The following BRCA1 variants were observed in gnomAD, a reference collection of about 807,000 sequenced individuals.
BRCA1 encodes the protein BRCA1 DNA repair associated.
A neutral mutation model predicts 173.7 loss-of-function variants in BRCA1; 140 were observed. That is an observed-to-expected ratio of 0.81 (90% CI 0.70 to 0.93). BRCA1 has a LOEUF of 0.93. BRCA1 is among the 40% of genes least tolerant of loss of function. The probability of loss-of-function intolerance (pLI) is 0.00; values close to 1 mark genes in which losing one functional copy is unlikely to be tolerated. For synonymous variants in BRCA1, 662 were observed against 756.0 expected (o/e 0.88, Z 2.04); for missense variants, 1,983 against 2,172.5 (o/e 0.91, Z 1.73).
chr17:43,069,708 A>T (rs2052301346), intron 15 of BRCA1, among the ~76,000 whole-genome samples: 1 of 152,168 alleles, frequency 6.6e-6, no homozygotes, highest in Non-Finnish European at 1.5e-5. Flanking sequence ...GCCACAGCTT[A>T]CTTTGCCCTT....
rs1567768534 is a variant in BRCA1, at chr17:43,063,322, C to A, written c.5193+11G>T. ...AATATCTCTGGTTAGTTTGTAACAT[C>A]AAGTACTTACCTCATTCAGCATTTT... is the stretch of plus-strand genomic sequence containing the variant. On this transcript the variant is annotated intron_variant, in intron 18 of 22. Transcript: ENST00000357654. 1 of 1,600,802 alleles carries A rather than the reference C, an allele frequency of 6.2e-7. No homozygotes were observed. Among genetic ancestry groups the A allele is most frequent in the Non-Finnish European group, 8.6e-7 (1 of 1,168,012 alleles).
At chr17:43,149,735 CT>C (rs1248514063) in intron 1 of BRCA1, among the ~76,000 whole-genome samples, 1 of 152,168 alleles carries the variant, frequency 6.6e-6, no homozygotes, top group Non-Finnish European at 1.5e-5. Flanking sequence ...TGCACCAAAA[CT>C]TACAAACCTC....
Position 43,082,434 on chromosome 17 carries a change from G to A in BRCA1, c.4327C>T (p.Arg1443Ter), listed in dbSNP as rs41293455. The A allele has an allele frequency of 1.2e-5, 20 of 1,613,954 alleles. No individual in the cohort carries two copies. Among genetic ancestry groups the A allele is most frequent in the Admixed American group, 5.0e-5 (3 of 59,986 alleles). The change falls in exon 12 of 23, where the codon CGA becomes TGA. Residue 1443 changes from arginine to a stop codon, truncating the protein, a stop_gained. Coordinates refer to ENST00000357654, the MANE Select transcript of BRCA1 (RefSeq NM_007294.4). LOFTEE classifies it high-confidence loss of function. ...ISDSSALEDL[R>*]NPEQSTSEKA... ...TCTGATGTGCTTTGTTCTGGATTTC[G>A]CAGGTCCTCAAGGGCAGAAGAGTCA...
At chr17:43,113,534 T>C (rs953723384) in intron 3 of BRCA1, among the ~76,000 whole-genome samples, 6 of 152,094 alleles carry the variant, frequency 3.9e-5, no homozygotes, top group Non-Finnish European at 8.8e-5. Flanking sequence ...GCCAGGCTAG[T>C]TTTTTGTGTG....
At chr17:43,138,339 A>C (rs1236923127) in intron 1 of BRCA1, 1 of 427,010 alleles carries the variant, frequency 2.3e-6, no homozygotes, top group African/African-American at 2.0e-5. Context: ...TTCCAGTGAA[A>C]ACATTCCAGA....
chr17:43,169,041 G>C (rs182022742), intron 1 of BRCA1, among the ~76,000 whole-genome samples: 3 of 152,048 alleles, frequency 2.0e-5, no homozygotes, highest in Non-Finnish European at 4.4e-5. Context: ...TCCCTCTTGC[G>C]CTTTCTCAAT....
At chr17:43,079,156 A>C (rs1221172840) in intron 12 of BRCA1, 1 of 655,428 alleles carries the variant, frequency 1.5e-6, no homozygotes, top group Non-Finnish European at 2.7e-6. Flanking sequence ...CCTGGGCAAC[A>C]AAAGTGAAAC....
intron 3 of BRCA1, among the ~76,000 whole-genome samples, chr17:43,110,198 ATCTT>A (rs1384996101): frequency 6.6e-6 from 1 of 152,116 alleles, no homozygotes; most frequent in Non-Finnish European, 1.5e-5. Context: ...CCGGCCTCGA[ATCTT>A]TCTTTATGCT....
At chr17:43,075,073 A>AAGAG (rs2052651813) in intron 13 of BRCA1, among the ~76,000 whole-genome samples, 1 of 151,498 alleles carries the variant, frequency 6.6e-6, no homozygotes, top group Non-Finnish European at 1.5e-5. Flanking sequence ...GGACGGAAGG[A>AAGAG]AGGAAGGAAG....
chr17:43,064,604 A>G (rs1375774819), intron 16 of BRCA1, among the ~76,000 whole-genome samples: 1 of 152,190 alleles, frequency 6.6e-6, no homozygotes, highest in Non-Finnish European at 1.5e-5. Flanking sequence ...GGAGAAATGT[A>G]TTTAACTAAA....
At chr17:43,145,535 C>T (rs1263516615) in intron 1 of BRCA1, among the ~76,000 whole-genome samples, 1 of 152,038 alleles carries the variant, frequency 6.6e-6, no homozygotes, top group Non-Finnish European at 1.5e-5. Flanking sequence ...ACCGCATTAG[C>T]CAGGATGGTC....
At chr17:43,135,951 T>G (rs2056018460) in intron 1 of BRCA1, among the ~76,000 whole-genome samples, 1 of 152,204 alleles carries the variant, frequency 6.6e-6, no homozygotes, top group African/African-American at 2.4e-5. Context: ...AGGGCACCTC[T>G]GCTTCCTCCC....
intron 6 of BRCA1, among the ~76,000 whole-genome samples, chr17:43,100,512 G>A (rs2054337589): frequency 1.2e-5 from 1 of 84,264 alleles, no homozygotes; most frequent in African/African-American, 3.8e-5. Context: ...TGGCTAATTT[G>A]TGTGTGTGTG....
chr17:43,143,056 ATATATATATG>A (rs1019488761), intron 1 of BRCA1, among the ~76,000 whole-genome samples: 95 of 148,676 alleles, frequency 6.4e-4, no homozygotes, highest in Non-Finnish European at 1.1e-3. Flanking sequence ...ATATATGTGT[ATATATATATG>A]TATATATATG....
In BRCA1 at chr17:43,092,911, T is replaced by G. The variant is rs1064795862; in HGVS notation, c.2620A>C (p.Asn874His). The change falls in exon 10 of 23, where the codon AAT becomes CAT. Residue 874 changes from asparagine to histidine, a missense_variant. Asn to His is a moderately conservative substitution (Grantham distance 68). Transcript: ENST00000357654. Reference protein sequence around the residue: ...SKRQSFAPFSNPGNAEEECAT... With the variant: ...SKRQSFAPFSHPGNAEEECAT... Reference sequence around the variant, plus strand: ...CATTCCTCTTCTGCATTTCCTGGATTTGAAAACGGAGCAAATGACTGGCGC... The same window carrying G: ...CATTCCTCTTCTGCATTTCCTGGATGTGAAAACGGAGCAAATGACTGGCGC... The G allele has an allele frequency of 1.9e-6, 3 of 1,613,924 alleles. No individual in the cohort carries two copies. Among genetic ancestry groups the G allele is most frequent in the Non-Finnish European group, 2.5e-6 (3 of 1,179,992 alleles).
chr17:43,110,678 CAA>C lies in BRCA1; in HGVS notation c.135-4147_135-4146del, dbSNP rs1473825447. ...TTTGAACAATGTGGTTCTAGATCTT[CAA>C]AAAAGTATTACAGGCTGGGTGCGGT... On this transcript the variant is annotated intron_variant, in intron 3 of 22. Transcript: ENST00000357654. 3 of 296,104 alleles carry C rather than the reference CAA, an allele frequency of 1.0e-5. No homozygotes were observed. The East Asian group carries it at 2.7e-4, about 27-fold the overall frequency. The allele number at this position is 296,104 out of a possible 1,614,324, so 18.3% of individuals were successfully genotyped here.
chr17:43,103,278 C>T (rs557800624), intron 6 of BRCA1, among the ~76,000 whole-genome samples: 1 of 151,802 alleles, frequency 6.6e-6, no homozygotes, highest in Non-Finnish European at 1.5e-5. Context: ...ACCAGCCTGA[C>T]CAATATGGTG....
chr17:43,073,406 A>G (rs998919283), intron 14 of BRCA1, among the ~76,000 whole-genome samples: 3 of 152,152 alleles, frequency 2.0e-5, no homozygotes, highest in Admixed American at 1.3e-4. Context: ...ATGCCATGGT[A>G]TCAGGAATTA....
In BRCA1 at chr17:43,094,460, T is replaced by C. The variant is rs786202159; in HGVS notation, c.1071A>G (p.Lys357=). ...CTCTAGGATTCTCTGAGCATGGCAGTTTCTGCTTATTCCATTCTTTTCTCT... is the reference window on the plus strand; with the variant it reads ...CTCTAGGATTCTCTGAGCATGGCAGCTTCTGCTTATTCCATTCTTTTCTCT... ...LCERKEWNKQ[K]LPCSENPRDT... The change falls in exon 10 of 23, where the codon AAA becomes AAG. Residue 357 remains lysine, a synonymous_variant. Transcript: ENST00000357654. 9.3e-6 allele frequency: 15 copies of C among 1,614,070 alleles called. No individual in the cohort carries two copies. Among genetic ancestry groups the C allele is most frequent in the Non-Finnish European group, 1.1e-5 (13 of 1,180,028 alleles).
Sources: allele counts gnomAD v4.1 joint callset (sites outside exome capture counted in the v4.1 genomes callset), GRCh38; gene constraint gnomAD v4.1.1; transcripts MANE v1.5; gene names NCBI Gene and HGNC (gene_info 2026-07-23, HGNC 2026-07-21).